CEP57: variants seen among roughly 807,000 people sequenced by gnomAD.
CEP57 encodes centrosomal protein of 57 kDa.
Under a neutral mutation model 68.0 loss-of-function variants are expected in CEP57, and 40 were observed. The ratio of observed to expected loss-of-function variants is 0.59; its 90% CI spans 0.46 to 0.77. The LOEUF is 0.77. Among genes scored for constraint, CEP57 ranks in the 30% least tolerant of loss-of-function variants. The pLI is 0.00. For synonymous variants in CEP57, 219 were observed against 198.7 expected (o/e 1.10, Z -0.86); for missense variants, 606 against 580.7 (o/e 1.04, Z -0.45).
chr11:95,793,834 G>A (rs1007736406), intron 1 of CEP57, among the ~76,000 whole-genome samples: 3 of 152,018 alleles, frequency 2.0e-5, no homozygotes, highest in Admixed American at 6.6e-5. Context: ...TCATTTGTTT[G>A]CCAGATATTA....
chr11:95,807,085 G>A (rs1052323122), intron 2 of CEP57, among the ~76,000 whole-genome samples: 18 of 152,130 alleles, frequency 1.2e-4, no homozygotes, highest in African/African-American at 4.3e-4. Flanking sequence ...TGCAGCTTCC[G>A]TTGGTGATAC....
chr11:95,819,692 C>G (rs1226267323), intron 6 of CEP57, among the ~76,000 whole-genome samples: 1 of 152,144 alleles, frequency 6.6e-6, no homozygotes, highest in Non-Finnish European at 1.5e-5. Flanking sequence ...AATCAGGTCT[C>G]GATTCCAAGG....
At chr11:95,791,487 T>C (rs1287124550) in intron 1 of CEP57, among the ~76,000 whole-genome samples, 2 of 152,194 alleles carry the variant, frequency 1.3e-5, no homozygotes, top group East Asian at 3.8e-4. Context: ...AGGAAGTAAA[T>C]GTTGGAGCTC....
At position 95,827,958 on chromosome 11, in the gene CEP57, C is replaced by G; in HGVS notation, c.1058C>G (p.Ser353Cys). Reference sequence around the variant, plus strand: ...AAGTTGTCAGTAACACCTCCCTCCTCCAACGGTATTAATGAGGAGTTGTCA... The same window carrying G: ...AAGTTGTCAGTAACACCTCCCTCCTGCAACGGTATTAATGAGGAGTTGTCA... ...SKKLSVTPPS[S>C]NGINEELSEV... The change falls in exon 9 of 11, where the codon TCC (serine) becomes TGC (cysteine). Residue 353 changes from serine to cysteine, a missense_variant. Physicochemically the swap from Ser to Cys is moderately radical, Grantham distance 112. Coordinates refer to ENST00000325542, the MANE Select transcript of CEP57 (RefSeq NM_014679.5). The G allele has an allele frequency of 6.2e-7, 1 of 1,613,952 alleles. No homozygotes were observed. The highest frequency in any genetic ancestry group is 8.5e-7 in the Non-Finnish European group (1 of 1,179,976).
At chr11:95,810,349 A>G (rs1418002430) in intron 2 of CEP57, among the ~76,000 whole-genome samples, 3 of 152,200 alleles carry the variant, frequency 2.0e-5, no homozygotes, top group Admixed American at 6.5e-5. Flanking sequence ...ACTTCTGGCC[A>G]GGGCAATCAG....
At chr11:95,810,321 A>G (rs1416940099) in intron 2 of CEP57, among the ~76,000 whole-genome samples, 3 of 152,198 alleles carry the variant, frequency 2.0e-5, no homozygotes, top group Non-Finnish European at 4.4e-5. Flanking sequence ...CACCATTCCT[A>G]TTGAACATAG....
chr11:95,813,339 C>G lies in CEP57; in HGVS notation c.383-129C>G, dbSNP rs371676958. The stretch of plus-strand genomic sequence containing the variant: ...ACGTAGAAAGAATGATTTAGGTAAT[C>G]TGAAAAGGCGTCCAGGTCTGTGGAA... On this transcript the variant is annotated intron_variant, in intron 3 of 10. Coordinates refer to ENST00000325542, the MANE Select transcript of CEP57 (RefSeq NM_014679.5). 99 of 1,183,658 alleles carry G rather than the reference C, an allele frequency of 8.4e-5. No homozygotes were observed. In the African/African-American group the frequency reaches 1.4e-3, roughly 17 times the overall value. 73.3% of individuals were successfully genotyped at this position (1,183,658 alleles called of 1,614,324 possible). A position where few individuals can be genotyped will look rare whatever the true frequency, so the allele number is the denominator to read the frequency against.
chr11:95,798,556 G>A (rs1478640765), intron 1 of CEP57, among the ~76,000 whole-genome samples: 1 of 152,130 alleles, frequency 6.6e-6, no homozygotes, highest in African/African-American at 2.4e-5. Context: ...ACTTCCCCCA[G>A]TCTAGGACCA....
At chr11:95,804,687 A>C (rs952593146) in intron 2 of CEP57, among the ~76,000 whole-genome samples, 1 of 152,306 alleles carries the variant, frequency 6.6e-6, no homozygotes, top group East Asian at 1.9e-4. Context: ...ATACATAATG[A>C]GAGCTATACA....
At position 95,790,681 on chromosome 11, in the gene CEP57, C is replaced by G. The variant is rs1860986568; in HGVS notation, c.-18C>G. 3 of 1,613,390 alleles carry G rather than the reference C, an allele frequency of 1.9e-6. No individual in the cohort carries two copies. Among genetic ancestry groups the G allele is most frequent in the Admixed American group, 1.7e-5 (1 of 59,946 alleles). ...AGACCGCCCCCGAAGTGCGGAGACC[C>G]CCTGGGCAGGCTGAAAGATGGCGGC... is the stretch of plus-strand genomic sequence containing the variant. On this transcript the variant is annotated 5_prime_UTR_variant, in exon 1 of 11. Coordinates refer to ENST00000325542, the MANE Select transcript of CEP57 (RefSeq NM_014679.5).
intron 2 of CEP57, among the ~76,000 whole-genome samples, chr11:95,811,196 C>T (rs540711841): frequency 2.0e-5 from 3 of 151,954 alleles, no homozygotes; most frequent in Admixed American, 6.6e-5. Flanking sequence ...AAATGTCCAT[C>T]AAGACTGGAT....
chr11:95,807,465 C>T (rs1221719599), intron 2 of CEP57, among the ~76,000 whole-genome samples: 1 of 152,022 alleles, frequency 6.6e-6, no homozygotes, highest in Non-Finnish European at 1.5e-5. Context: ...AAGCTAAAAA[C>T]CTTGAAAAAA....
chr11:95,804,430 G>A (rs1239419632), intron 2 of CEP57, among the ~76,000 whole-genome samples: 1 of 152,204 alleles, frequency 6.6e-6, no homozygotes, highest in Admixed American at 6.5e-5. Context: ...AGCCTTAAAT[G>A]TTGGGGTACA....
intron 1 of CEP57, chr11:95,794,473 AATTT>A: frequency 2.7e-6 from 1 of 370,260 alleles, no homozygotes. Flanking sequence ...CCCACTTGTA[AATTT>A]TTGCTGTGTG....
In CEP57 at chr11:95,831,429, T is replaced by TA; in HGVS notation, c.*176dup. On this transcript the variant is annotated 3_prime_UTR_variant, in exon 11 of 11. Coordinates refer to ENST00000325542, the MANE Select transcript of CEP57 (RefSeq NM_014679.5). Reference sequence around the variant, plus strand: ...TCATGTATGCAGGATGACTCAATGTTAAAGCATTTAAATGGAAACCAGGGG... The same window carrying TA: ...TCATGTATGCAGGATGACTCAATGTTAAAAGCATTTAAATGGAAACCAGGGG... 1 of 557,958 alleles carries TA rather than the reference T, an allele frequency of 1.8e-6. No individual in the cohort carries two copies. The highest frequency in any genetic ancestry group is 3.2e-6 in the Non-Finnish European group (1 of 311,762). The allele number at this position is 557,958 out of a possible 1,614,324, so 34.6% of individuals were successfully genotyped here.
intron 2 of CEP57, among the ~76,000 whole-genome samples, chr11:95,809,862 C>G (rs975751751): frequency 6.6e-6 from 1 of 152,164 alleles, no homozygotes; most frequent in Non-Finnish European, 1.5e-5. Context: ...AAGCCAGCAT[C>G]ATCCTGATAC....
chr11:95,793,086 G>T (rs1207237551), intron 1 of CEP57, among the ~76,000 whole-genome samples: 1 of 152,196 alleles, frequency 6.6e-6, no homozygotes, highest in African/African-American at 2.4e-5. Flanking sequence ...TACAGGCAAA[G>T]ATTTTTAACA....
chr11:95,825,853 C>T (rs546030390), intron 8 of CEP57: 1 of 152,256 alleles, frequency 6.6e-6, no homozygotes, highest in Admixed American at 6.5e-5. Context: ...CTGCCTCAGC[C>T]TCCCAAAGTG....
intron 1 of CEP57, 56 bp from the exon 2 acceptor site, chr11:95,799,176 A>G (rs922268402): frequency 3.3e-5 from 52 of 1,571,508 alleles, no homozygotes; most frequent in South Asian, 2.9e-4. Flanking sequence ...TTGTGATTTA[A>G]ATCTGCTATT....
Sources: gnomAD v4.1 joint callset for allele counts (sites outside exome capture counted in the v4.1 genomes callset) on GRCh38, gnomAD v4.1.1 for gene constraint, MANE v1.5 for transcripts, NCBI Gene and HGNC (gene_info 2026-07-23, HGNC 2026-07-21) for gene names.